Variants in ARHGAP15 observed in about 807,000 individuals in gnomAD.
ARHGAP15 encodes Rho GTPase activating protein 15, also known as rho GTPase-activating protein 15.
ARHGAP15 carries 51 observed loss-of-function variants against 63.7 expected under a neutral mutation model. The ratio of observed to expected loss-of-function variants is 0.80; its 90% CI spans 0.64 to 1.01. The LOEUF (loss-of-function observed/expected upper bound fraction) is 1.01. Among genes scored for constraint, ARHGAP15 ranks in the 50% least tolerant of loss-of-function variants. The pLI, the probability that ARHGAP15 is intolerant of heterozygous loss-of-function variation, is 0.00. For synonymous variants in ARHGAP15, 191 were observed against 193.8 expected (o/e 0.99, Z 0.12); for missense variants, 560 against 564.6 (o/e 0.99, Z 0.08).
chr2:143,391,640 G>A (rs1476976713), intron 6 of ARHGAP15, among the ~76,000 whole-genome samples: 4 of 152,118 alleles, frequency 2.6e-5, no homozygotes, highest in Admixed American at 6.5e-5. Flanking sequence ...AAAGTTGCAT[G>A]GCCCTGAACT....
chr2:143,360,527 T>A (rs1686003419), intron 6 of ARHGAP15, among the ~76,000 whole-genome samples: 1 of 152,028 alleles, frequency 6.6e-6, no homozygotes, highest in South Asian at 2.1e-4. Context: ...ATCTTTAATA[T>A]TAGATATATT....
chr2:143,745,192 G>C (rs1234790460), intron 13 of ARHGAP15, among the ~76,000 whole-genome samples: 3 of 152,200 alleles, frequency 2.0e-5, no homozygotes, highest in Non-Finnish European at 4.4e-5. Flanking sequence ...TGCTTCCATA[G>C]ATGTATCTGG....
intron 6 of ARHGAP15, among the ~76,000 whole-genome samples, chr2:143,289,965 T>C (rs1322404985): frequency 6.6e-6 from 1 of 152,220 alleles, no homozygotes; most frequent in African/African-American, 2.4e-5. Context: ...GAAAGGACTT[T>C]CTTAAATACC....
Position 143,527,362 on chromosome 2 carries a change from G to A in ARHGAP15, c.925+7998G>A, listed in dbSNP as rs117315533. 4.2e-4 allele frequency among the ~76,000 whole-genome samples: 64 copies of A among 152,030 alleles called. 1 individual carries two copies. In the East Asian group the frequency reaches 5.8e-3, roughly 14 times the overall value. On this transcript the variant is annotated intron_variant, in intron 10 of 13. Transcript: ENST00000295095. The stretch of plus-strand genomic sequence containing the variant: ...TTCTTTGGGAGGTTATCTTATAGAC[G>A]AGTAGGCTATACAGTTAAAGATGTT...
intron 11 of ARHGAP15, chr2:143,608,281 G>A (rs1403222208): frequency 6.6e-6 from 1 of 152,204 alleles, no homozygotes; most frequent in East Asian, 1.9e-4. Flanking sequence ...TGTTGTTATT[G>A]TACTTGGTGG....
chr2:143,384,788 A>G (rs1687203800), intron 6 of ARHGAP15, among the ~76,000 whole-genome samples: 1 of 152,044 alleles, frequency 6.6e-6, no homozygotes, highest in African/African-American at 2.4e-5. Flanking sequence ...AAGGCCATCT[A>G]TTTCTGCCTC....
rs149621530 is a variant in ARHGAP15, at chr2:143,575,105, T to C, written c.1003+18620T>C. ...ATCACATAAATCTATTTCTTCATTC[T>C]GACATGTATATATATTTCTCTAGTG... On this transcript the variant is annotated intron_variant, in intron 11 of 13. Coordinates refer to ENST00000295095, the MANE Select transcript of ARHGAP15 (RefSeq NM_018460.4). Among the ~76,000 whole-genome samples the C allele has an allele frequency of 4.1e-4, 62 of 152,320 alleles. 1 individual carries two copies. In the East Asian group the frequency reaches 0.012, roughly 29 times the overall value.
At chr2:143,242,892 A>G (rs1693915849) in intron 5 of ARHGAP15, among the ~76,000 whole-genome samples, 1 of 152,186 alleles carries the variant, frequency 6.6e-6, no homozygotes, top group Non-Finnish European at 1.5e-5. Context: ...ATGTGATAAA[A>G]CTTAATTCCT....
intron 12 of ARHGAP15, among the ~76,000 whole-genome samples, chr2:143,690,772 C>T (rs1019048940): frequency 6.6e-6 from 1 of 152,124 alleles, no homozygotes; most frequent in African/African-American, 2.4e-5. Flanking sequence ...TCAAGTTATA[C>T]ATTTGCAGAG....
Position 143,436,229 on chromosome 2 carries a change from TA to T in ARHGAP15, c.573+534del, listed in dbSNP as rs771763124. Among the ~76,000 whole-genome samples, 7 of 152,280 alleles carry T rather than the reference TA, an allele frequency of 4.6e-5. 1 individual carries two copies. The highest frequency in any genetic ancestry group is 3.9e-4 in the Admixed American group (6 of 15,280). On this transcript the variant is annotated intron_variant, in intron 7 of 13. Transcript: ENST00000295095. ...TATGTTTTCTAAGAATGAACTTATT[TA>T]AAACCACTCATTCCATGCTGAGTCT...
intron 10 of ARHGAP15, among the ~76,000 whole-genome samples, chr2:143,532,924 T>C (rs1280673980): frequency 6.6e-6 from 1 of 152,206 alleles, no homozygotes; most frequent in Non-Finnish European, 1.5e-5. Context: ...CAAACTTCCG[T>C]TACCAAAAAA....
At chr2:143,257,428 G>T (rs1220710430) in intron 6 of ARHGAP15, among the ~76,000 whole-genome samples, 1 of 152,100 alleles carries the variant, frequency 6.6e-6, no homozygotes, top group Non-Finnish European at 1.5e-5. Flanking sequence ...AAGAATGGAT[G>T]CACGTCATCT....
At chr2:143,158,471 C>T (rs1035252791) in intron 2 of ARHGAP15, among the ~76,000 whole-genome samples, 4 of 151,856 alleles carry the variant, frequency 2.6e-5, no homozygotes, top group African/African-American at 9.7e-5. Context: ...TATGAATCCT[C>T]CATTAGTATT....
At position 143,329,520 on chromosome 2, in the gene ARHGAP15, C is replaced by T. The variant is rs547887125; in HGVS notation, c.474+78920C>T. ...GAGGACCCCAAAGCCTCAGAAGATACAGTAACCCCATCTGACACCTTGGTT... is the reference window on the plus strand; with the variant it reads ...GAGGACCCCAAAGCCTCAGAAGATATAGTAACCCCATCTGACACCTTGGTT... On this transcript the variant is annotated intron_variant, in intron 6 of 13. Transcript: ENST00000295095. 5.9e-5 allele frequency among the ~76,000 whole-genome samples: 9 copies of T among 152,280 alleles called. 1 individual carries two copies. The South Asian group carries it at 1.9e-3, about 32-fold the overall frequency.
intron 2 of ARHGAP15, among the ~76,000 whole-genome samples, chr2:143,173,665 G>A (rs911799637): frequency 1.3e-5 from 2 of 152,008 alleles, no homozygotes; most frequent in Non-Finnish European, 2.9e-5. Context: ...TGGATATTTT[G>A]AACTTTATTT....
rs1685850466 is a variant in ARHGAP15, at chr2:143,357,266, T to C, written c.475-78335T>C. Among the ~76,000 whole-genome samples, 3 of 152,214 alleles carry C rather than the reference T, an allele frequency of 2.0e-5. 1 individual carries two copies. The South Asian group carries it at 6.2e-4, about 32-fold the overall frequency. On this transcript the variant is annotated intron_variant, in intron 6 of 13. Transcript: ENST00000295095. ...GAGATGTTTGTTCAGCTTATTTTCA[T>C]GTTCACTCTGTGTGCTCAAATCAGC...
intron 8 of ARHGAP15, among the ~76,000 whole-genome samples, chr2:143,482,968 G>A: frequency 6.6e-6 from 1 of 152,194 alleles, no homozygotes; most frequent in East Asian, 1.9e-4. Flanking sequence ...TCAGGAAATG[G>A]AAGTTGACGT....
At chr2:143,222,167 G>A (rs562226286) in intron 4 of ARHGAP15, among the ~76,000 whole-genome samples, 1 of 152,350 alleles carries the variant, frequency 6.6e-6, no homozygotes, top group South Asian at 2.1e-4. Flanking sequence ...ATATGAGACA[G>A]AAGAAGTAAG....
At chr2:143,683,005 G>A (rs150513938) in intron 12 of ARHGAP15, 89 of 152,224 alleles carry the variant, frequency 5.8e-4, no homozygotes, top group African/African-American at 1.9e-3. Context: ...GGAATACATT[G>A]TGGTTAAAAA....
Sources: gnomAD v4.1 joint callset for allele counts (sites outside exome capture counted in the v4.1 genomes callset) on GRCh38, gnomAD v4.1.1 for gene constraint, MANE v1.5 for transcripts, NCBI Gene and HGNC (gene_info 2026-07-23, HGNC 2026-07-21) for gene names.